TOMM20: variants seen among roughly 807,000 people sequenced by gnomAD.
TOMM20 encodes the protein translocase of outer mitochondrial membrane 20.
Under a neutral mutation model 22.1 loss-of-function variants are expected in TOMM20, and 10 were observed. That is an observed-to-expected ratio of 0.45 (90% CI 0.28 to 0.77). The LOEUF (loss-of-function observed/expected upper bound fraction) is 0.77, where lower values mean the gene tolerates loss of function less well. Among genes scored for constraint, TOMM20 ranks in the 30% least tolerant of loss-of-function variants. The probability of loss-of-function intolerance (pLI) is 0.13; values close to 1 mark genes in which losing one functional copy is unlikely to be tolerated. For synonymous variants in TOMM20, 55 were observed against 61.4 expected, an observed-to-expected ratio of 0.90 and a Z score of 0.49; for missense variants, 121 against 172.2, an observed-to-expected ratio of 0.70 and a Z score of 1.66.
rs1660730923 is a variant in TOMM20 at position 235,111,019 on chromosome 1, G to C, written c.*1045C>G. 1 of 152,164 alleles carries C rather than the reference G, an allele frequency of 6.6e-6. No homozygotes were observed. Among genetic ancestry groups the C allele is most frequent in the African/African-American group, 2.4e-5 (1 of 41,422 alleles). The allele number at this position is 152,164 out of a possible 1,614,324, so 9.4% of individuals were successfully genotyped here. On this transcript the variant is annotated 3_prime_UTR_variant, in exon 5 of 5. Transcript: ENST00000366607. ...AGCAGGATTAAGGAGGTACACTGAAGATAAAGCAAAAGGCAACAAGCATTT... is the reference window on the plus strand; with the variant it reads ...AGCAGGATTAAGGAGGTACACTGAACATAAAGCAAAAGGCAACAAGCATTT...
Position 235,128,694 on chromosome 1 carries a change from T to C in TOMM20, c.22A>G (p.Ile8Val). 1 of 1,614,074 alleles carries C rather than the reference T, an allele frequency of 6.2e-7. No individual in the cohort carries two copies. The highest frequency in any genetic ancestry group is 8.5e-7 in the Non-Finnish European group (1 of 1,179,934). MVGRNSA[I>V]AAGVCGALFI... The stretch of plus-strand genomic sequence containing the variant: ...AGGGCCCCGCATACACCGGCGGCGA[T>C]GGCGCTGTTCCGACCCACCATCTTC... Residue 8 changes from isoleucine to valine, a missense_variant, in exon 1 of 5, where the codon ATC becomes GTC. By Grantham distance (29) the Ile-to-Val change is conservative. Transcript: ENST00000366607.
At chr1:235,120,836 C>A (rs1455976912) in intron 2 of TOMM20, among the ~76,000 whole-genome samples, 1 of 146,362 alleles carries the variant, frequency 6.8e-6, no homozygotes, top group Non-Finnish European at 1.5e-5. Context: ...CGCTACTGCA[C>A]CCCAGCCTGG....
chr1:235,119,644 A>C (rs1358780889), intron 3 of TOMM20, among the ~76,000 whole-genome samples, 174 bp downstream of exon 3: 3 of 152,234 alleles, frequency 2.0e-5, no homozygotes, highest in Non-Finnish European at 2.9e-5. Flanking sequence ...TTCTTTCTAG[A>C]GCCAGTCTTA....
intron 1 of TOMM20, among the ~76,000 whole-genome samples, chr1:235,124,734 T>A (rs937860953): frequency 6.6e-6 from 1 of 152,210 alleles, no homozygotes. Flanking sequence ...CTGATACAGC[T>A]ACCAAATTTT....
intron 1 of TOMM20, among the ~76,000 whole-genome samples, chr1:235,127,059 T>C (rs1007923356): frequency 1.4e-4 from 22 of 152,236 alleles, no homozygotes; most frequent in African/African-American, 4.8e-4. Flanking sequence ...TGATAGCTCT[T>C]GTTTCTGCAA....
chr1:235,127,101 G>A (rs867120627), intron 1 of TOMM20, among the ~76,000 whole-genome samples: 1 of 152,160 alleles, frequency 6.6e-6, no homozygotes, highest in African/African-American at 2.4e-5. Flanking sequence ...GGAAGATAGG[G>A]TTAATCCATT....
chr1:235,110,990 T>A lies in TOMM20; in HGVS notation c.*1074A>T, dbSNP rs374832949. On this transcript the variant is annotated 3_prime_UTR_variant, in exon 5 of 5. Transcript: ENST00000366607. ...CTCATCGTTTCACAAGATAATCAAG[T>A]TGAAGCAGGATTAAGGAGGTACACT... 1.3e-5 allele frequency: 2 copies of A among 152,180 alleles called. No individual in the cohort carries two copies. The highest frequency in any genetic ancestry group is 2.9e-5 in the Non-Finnish European group (2 of 68,034). The allele number at this position is 152,180 out of a possible 1,614,324, so 9.4% of individuals were successfully genotyped here. A position where few individuals can be genotyped will look rare whatever the true frequency, so the allele number is the denominator to read the frequency against.
rs181942302 is a variant in TOMM20 at position 235,120,166 on chromosome 1, G to A, written c.169-267C>T. On this transcript the variant is annotated intron_variant, in intron 2 of 4. Transcript: ENST00000366607. ...GAGAAAAGAGTGCAAAATCTATACC[G>A]TCTACGCACGTTACAATATTTTCGG... Among the ~76,000 whole-genome samples the A allele has an allele frequency of 1.3e-3, 198 of 152,260 alleles. 1 individual carries two copies. Among genetic ancestry groups the A allele is most frequent in the East Asian group, 1.5e-3 (8 of 5,176 alleles).
chr1:235,115,452 C>T (rs1051233772), intron 3 of TOMM20, among the ~76,000 whole-genome samples: 1 of 151,804 alleles, frequency 6.6e-6, no homozygotes, highest in South Asian at 2.1e-4. Context: ...CATGGTGAAA[C>T]CCTACTGCTA....
intron 1 of TOMM20, chr1:235,128,011 A>T: frequency 2.5e-6 from 1 of 405,598 alleles, no homozygotes; most frequent in South Asian, 1.8e-5. Context: ...CCCCGTCTCT[A>T]CTAAACACAA....
chr1:235,126,425 C>A (rs1271282869), intron 1 of TOMM20, among the ~76,000 whole-genome samples: 1 of 152,114 alleles, frequency 6.6e-6, no homozygotes, highest in African/African-American at 2.4e-5. Flanking sequence ...AGCCACCACA[C>A]CCAGCCTCAA....
chr1:235,110,718 G>C lies in TOMM20; in HGVS notation c.*1346C>G, dbSNP rs1385451423. ...GATTGATAATGATTAAGAAGAGTTT[G>C]TAAGTCAATCAAAATAAAATGCCTA... On this transcript the variant is annotated 3_prime_UTR_variant, in exon 5 of 5. Transcript: ENST00000366607. The C allele has an allele frequency of 6.6e-6, 1 of 152,304 alleles. No homozygotes were observed. Among genetic ancestry groups the C allele is most frequent in the Admixed American group, 6.5e-5 (1 of 15,294 alleles). 9.4% of individuals were successfully genotyped at this position (152,304 alleles called of 1,614,324 possible).
Position 235,128,003 on chromosome 1 carries a change from C to T in TOMM20, c.121+592G>A, listed in dbSNP as rs151296495. The T allele has an allele frequency of 2.1e-3, 944 of 444,102 alleles. 9 individuals are homozygous for T. Among genetic ancestry groups the T allele is most frequent in the African/African-American group, 0.017 (858 of 49,094 alleles). 27.5% of individuals were successfully genotyped at this position (444,102 alleles called of 1,614,324 possible). Reference sequence around the variant, plus strand: ...CTAGCCTGACCAACACGGTGAAACCCCGTCTCTACTAAACACAAAAAATCA... The same window carrying T: ...CTAGCCTGACCAACACGGTGAAACCTCGTCTCTACTAAACACAAAAAATCA... On this transcript the variant is annotated intron_variant, in intron 1 of 4. Transcript: ENST00000366607.
At chr1:235,124,325 CCA>C (rs1318518736) in intron 1 of TOMM20, among the ~76,000 whole-genome samples, 3 of 152,328 alleles carry the variant, frequency 2.0e-5, no homozygotes, top group South Asian at 2.1e-4. Flanking sequence ...CCAGCCTGGG[CCA>C]CAGAGTGAGA....
intron 3 of TOMM20, among the ~76,000 whole-genome samples, chr1:235,116,067 T>A (rs1172821339): frequency 6.6e-6 from 1 of 152,192 alleles, no homozygotes; most frequent in African/African-American, 2.4e-5. Context: ...TTTGCCAGCA[T>A]CCATGAAATT....
chr1:235,112,143 A>G (rs748616912), intron 4 of TOMM20, 35 bp from the exon 5 acceptor site: 4 of 1,504,996 alleles, frequency 2.7e-6, no homozygotes, highest in Non-Finnish European at 3.6e-6. Context: ...TTAAAGTGTC[A>G]TAAGCATTTA....
chr1:235,119,575 A>G (rs1016598170), intron 3 of TOMM20, among the ~76,000 whole-genome samples: 1 of 152,238 alleles, frequency 6.6e-6, no homozygotes, highest in East Asian at 1.9e-4. Context: ...ATGATATAGC[A>G]AGAAAACCTA....
chr1:235,113,153 T>C (rs1660767841), intron 4 of TOMM20, among the ~76,000 whole-genome samples: 1 of 152,218 alleles, frequency 6.6e-6, no homozygotes, highest in Non-Finnish European at 1.5e-5. Flanking sequence ...TTGGGCTCCT[T>C]GAAAAGAACT....
intron 3 of TOMM20, among the ~76,000 whole-genome samples, chr1:235,115,617 ACT>A (rs1192476226): frequency 6.6e-6 from 1 of 152,168 alleles, no homozygotes; most frequent in Non-Finnish European, 1.5e-5. Flanking sequence ...ACAGAGCGAG[ACT>A]CTGTCTCAAA....
Sources: allele counts gnomAD v4.1 joint callset (sites outside exome capture counted in the v4.1 genomes callset), GRCh38; gene constraint gnomAD v4.1.1; transcripts MANE v1.5; gene names NCBI Gene and HGNC (gene_info 2026-07-23, HGNC 2026-07-21).